The following ZNF148 variants were observed in gnomAD, a reference collection of about 807,000 sequenced individuals.
ZNF148 encodes zinc finger protein 148, also known as Beta-Enolase Repressor Factor-1.
A neutral mutation model predicts 67.7 loss-of-function variants in ZNF148; 7 were observed. The ratio of observed to expected loss-of-function variants is 0.10; its 90% CI spans 0.06 to 0.19. ZNF148 has a LOEUF of 0.19. ZNF148 is among the 10% of genes least tolerant of loss of function. The probability of loss-of-function intolerance (pLI) is 1.00; values close to 1 mark genes in which losing one functional copy is unlikely to be tolerated. For synonymous variants in ZNF148, 333 were observed against 330.7 expected (o/e 1.01, Z -0.08); for missense variants, 583 against 947.1 (o/e 0.62, Z 5.05).
intron 2 of ZNF148, among the ~76,000 whole-genome samples, chr3:125,327,339 A>G (rs1332203362): frequency 6.6e-6 from 1 of 152,230 alleles, no homozygotes; most frequent in African/African-American, 2.4e-5. Context: ...GAATAATTAG[A>G]CAGAAAATTA....
chr3:125,324,529 G>C (rs577361352), intron 2 of ZNF148, among the ~76,000 whole-genome samples: 1 of 152,300 alleles, frequency 6.6e-6, no homozygotes, highest in South Asian at 2.1e-4. Flanking sequence ...CTGACAGTAA[G>C]TATTCTGAGC....
At chr3:125,350,687 G>C (rs1269294233) in intron 1 of ZNF148, among the ~76,000 whole-genome samples, 1 of 152,214 alleles carries the variant, frequency 6.6e-6, no homozygotes, top group Non-Finnish European at 1.5e-5. Context: ...ACGCTCCTAA[G>C]AGAATGTAAG....
chr3:125,241,309 C>T (rs533748505), intron 7 of ZNF148, among the ~76,000 whole-genome samples: 1 of 146,276 alleles, frequency 6.8e-6, no homozygotes. Flanking sequence ...TTTCTTTTTT[C>T]TTTCTTTCTT....
intron 3 of ZNF148, among the ~76,000 whole-genome samples, chr3:125,314,330 T>C (rs1481585957): frequency 1.3e-5 from 2 of 152,210 alleles, no homozygotes; most frequent in Non-Finnish European, 2.9e-5. Context: ...GAATTCTACA[T>C]TTTGGAATTT....
chr3:125,369,384 CA>C (rs759752715), intron 1 of ZNF148, among the ~76,000 whole-genome samples: 114 of 47,498 alleles, frequency 2.4e-3, no homozygotes, highest in East Asian at 0.012. Flanking sequence ...ACTGCAACCT[CA>C]AAAAAAAAAA....
chr3:125,312,630 T>C (rs1172966427), intron 4 of ZNF148, among the ~76,000 whole-genome samples: 1 of 152,118 alleles, frequency 6.6e-6, no homozygotes, highest in Non-Finnish European at 1.5e-5. Context: ...AAGCAGGATA[T>C]ATTAAAGTCC....
intron 7 of ZNF148, among the ~76,000 whole-genome samples, chr3:125,238,607 G>A (rs776537578): frequency 2.6e-5 from 4 of 152,122 alleles, no homozygotes; most frequent in Admixed American, 1.3e-4. Context: ...TAGTCTGGGC[G>A]ACAGAAAAAG....
At chr3:125,240,152 A>G (rs1237026356) in intron 7 of ZNF148, among the ~76,000 whole-genome samples, 1 of 152,210 alleles carries the variant, frequency 6.6e-6, no homozygotes, top group African/African-American at 2.4e-5. Flanking sequence ...ATGCAAAGTG[A>G]GAAGTTATTT....
chr3:125,287,135 AATG>A (rs1553817048), intron 5 of ZNF148, among the ~76,000 whole-genome samples: 2 of 152,228 alleles, frequency 1.3e-5, no homozygotes, highest in Non-Finnish European at 2.9e-5. Context: ...TATAAATAAT[AATG>A]ATGATTATGA....
intron 7 of ZNF148, among the ~76,000 whole-genome samples, chr3:125,265,214 A>G (rs1490155424): frequency 3.9e-5 from 6 of 152,382 alleles, no homozygotes; most frequent in African/African-American, 1.4e-4. Flanking sequence ...ACACTGAGCA[A>G]ATTCTCCTAC....
Position 125,233,348 on chromosome 3 carries a change from T to C in ZNF148, c.1378A>G (p.Ser460Gly), listed in dbSNP as rs1219255600. The stretch of plus-strand genomic sequence containing the variant: ...ATGGCATCATCATAATTAGTACTAC[T>C]ATGCACAGGTTTACTGGGCCCCTCC... Reference protein sequence around the residue: ...LQEGPSKPVHSSTNYDDAMQF... With the variant: ...LQEGPSKPVHGSTNYDDAMQF... Residue 460 changes from serine to glycine, a missense_variant, in exon 9 of 9, where the codon AGT becomes GGT. Coordinates refer to ENST00000360647, the MANE Select transcript of ZNF148 (RefSeq NM_021964.3). The surrounding 1 kb of genome is among the most constrained non-coding windows in gnomAD (Gnocchi z 5.1). The C allele has an allele frequency of 6.2e-7, 1 of 1,614,010 alleles. No individual in the cohort carries two copies. Among genetic ancestry groups the C allele is most frequent in the Non-Finnish European group, 8.5e-7 (1 of 1,179,928 alleles).
At chr3:125,324,519 C>T (rs1940935643) in intron 2 of ZNF148, among the ~76,000 whole-genome samples, 4 of 152,124 alleles carry the variant, frequency 2.6e-5, no homozygotes, top group Admixed American at 2.6e-4. Flanking sequence ...AGAAAACTTC[C>T]TGACAGTAAG....
At chr3:125,332,071 A>T (rs978302471) in intron 1 of ZNF148, among the ~76,000 whole-genome samples, 6 of 152,202 alleles carry the variant, frequency 3.9e-5, no homozygotes, top group Admixed American at 3.9e-4. Flanking sequence ...TAAAAGCAGA[A>T]TATTTTCTAG....
chr3:125,372,360 G>A (rs1362014672), intron 1 of ZNF148, among the ~76,000 whole-genome samples: 1 of 152,028 alleles, frequency 6.6e-6, no homozygotes, highest in African/African-American at 2.4e-5. Context: ...CTAAAATCAA[G>A]GTTTAAGCAT....
chr3:125,294,234 A>C (rs1939170047), intron 4 of ZNF148, among the ~76,000 whole-genome samples: 1 of 152,222 alleles, frequency 6.6e-6, no homozygotes, highest in Non-Finnish European at 1.5e-5. Flanking sequence ...CATTCAACTG[A>C]AACAGATTGG....
intron 4 of ZNF148, among the ~76,000 whole-genome samples, chr3:125,306,125 T>C (rs1193231065): frequency 6.6e-6 from 1 of 152,152 alleles, no homozygotes; most frequent in South Asian, 2.1e-4. Context: ...AGAAGTATCT[T>C]TAATTGAATT....
chr3:125,357,837 C>T (rs1942410214), intron 1 of ZNF148: 1 of 152,230 alleles, frequency 6.6e-6, no homozygotes, highest in African/African-American at 2.4e-5. Flanking sequence ...TATCACACAG[C>T]CTGACAGTAA....
chr3:125,317,016 G>A (rs961571168), intron 3 of ZNF148, among the ~76,000 whole-genome samples: 2 of 152,134 alleles, frequency 1.3e-5, no homozygotes, highest in African/African-American at 2.4e-5. Flanking sequence ...TACAGAAGTA[G>A]TAAAGTGAAG....
chr3:125,288,482 G>A (rs550411471), intron 4 of ZNF148, among the ~76,000 whole-genome samples: 9 of 151,330 alleles, frequency 5.9e-5, no homozygotes, highest in African/African-American at 2.2e-4. Flanking sequence ...GATCAAAGAC[G>A]TCCTGGGAAA....
Sources: gnomAD v4.1 joint callset for allele counts (sites outside exome capture counted in the v4.1 genomes callset) on GRCh38, gnomAD v4.1.1 for gene constraint, Gnocchi (gnomAD v3.1) non-coding constraint, MANE v1.5 for transcripts, NCBI Gene and HGNC (gene_info 2026-07-23, HGNC 2026-07-21) for gene names.